NUP210L: variants seen among roughly 807,000 people sequenced by gnomAD.
The protein encoded by NUP210L is nuclear pore membrane glycoprotein 210-like.
NUP210L carries 74 observed loss-of-function variants against 208.5 expected under a neutral mutation model. The observed-to-expected ratio is 0.35, with a 90% CI of 0.29 to 0.43. The LOEUF is 0.43. NUP210L is among the 20% of genes least tolerant of loss of function. The pLI is 1.00. For missense variants in NUP210L, 1,843 were observed against 2,289.4 expected (o/e 0.81, Z 3.98); for synonymous variants, 780 against 816.9 (o/e 0.95, Z 0.77).
chr1:154,135,949 A>G (rs1036625370), exon 7 of NUP210L: 2 of 1,606,820 alleles, frequency 1.2e-6, no homozygotes, highest in Middle Eastern at 1.7e-4. Context: ...TCCAGTATAT[A>G]ATGTTCCAGG....
intron 4 of NUP210L, among the ~76,000 whole-genome samples, chr1:154,140,350 C>CAAA (rs375907073): frequency 2.8e-5 from 2 of 71,590 alleles, no homozygotes; most frequent in African/African-American, 5.7e-5. Flanking sequence ...GACTCCGTCT[C>CAAA]AAAAAAAAAA....
chr1:154,073,488 C>T (rs180832543), intron 16 of NUP210L, among the ~76,000 whole-genome samples: 1 of 152,182 alleles, frequency 6.6e-6, no homozygotes, highest in Non-Finnish European at 1.5e-5. Flanking sequence ...TGCACCACTG[C>T]CCTCTACCCT....
intron 33 of NUP210L, among the ~76,000 whole-genome samples, chr1:154,017,175 G>A (rs1651301541): frequency 1.3e-5 from 2 of 151,808 alleles, no homozygotes; most frequent in South Asian, 4.2e-4. Flanking sequence ...CAGCTACTCA[G>A]GAGGCTGAGG....
chr1:154,082,679 T>C (rs1655400828), intron 16 of NUP210L, among the ~76,000 whole-genome samples: 1 of 152,214 alleles, frequency 6.6e-6, no homozygotes. Context: ...TGGTTCCTTC[T>C]GGTAGGTTCT....
At chr1:154,140,094 T>C in intron 4 of NUP210L, 142 bp from the exon 5 acceptor site, 1 of 662,284 alleles carries the variant, frequency 1.5e-6, no homozygotes, top group Non-Finnish European at 2.5e-6. Flanking sequence ...CTCACGCCTG[T>C]AATCCTAGCA....
Position 153,999,375 on chromosome 1 carries a change from C to T in NUP210L, c.5386+1481G>A, listed in dbSNP as rs1020903417. Among the ~76,000 whole-genome samples, 5 of 152,120 alleles carry T rather than the reference C, an allele frequency of 3.3e-5. No individual in the cohort carries two copies. In the South Asian group the frequency reaches 1.0e-3, roughly 32 times the overall value. On this transcript the variant is annotated intron_variant, in intron 37 of 39. Transcript: ENST00000368559. ...GATTTGGGAAAGCTAAGTCTTGGTT[C>T]TAGGGTTAACATTGGCCCATTGCCT...
chr1:154,058,306 T>A, intron 21 of NUP210L, 90 bp from the exon 22 acceptor site: 1 of 1,363,434 alleles, frequency 7.3e-7, no homozygotes, highest in Non-Finnish European at 1.0e-6. Flanking sequence ...TTTTTTTTTC[T>A]TTCATGCTAA....
intron 5 of NUP210L, 73 bp downstream of exon 5, chr1:154,139,729 T>TA (rs1445745511): frequency 7.2e-5 from 84 of 1,169,856 alleles, no homozygotes; most frequent in Non-Finnish European, 9.2e-5. Flanking sequence ...ATTCTTGTAG[T>TA]ACCTGGGCAA....
intron 4 of NUP210L, among the ~76,000 whole-genome samples, chr1:154,140,528 G>C (rs971402884): frequency 6.6e-6 from 1 of 151,066 alleles, no homozygotes; most frequent in Non-Finnish European, 1.5e-5. Flanking sequence ...TTAGCTGGGC[G>C]TGGTGGCAGG....
chr1:154,011,528 A>AT lies in NUP210L; in HGVS notation c.4780+715dup, dbSNP rs1327311233. 7.9e-3 allele frequency among the ~76,000 whole-genome samples: 939 copies of AT among 118,502 alleles called. 7 individuals carry two copies. The highest frequency in any genetic ancestry group is 0.019 in the African/African-American group (625 of 32,052). The allele number at this position is 118,502 out of a possible 152,430, so 77.7% of individuals were successfully genotyped here. A position where few individuals can be genotyped will look rare whatever the true frequency, so the allele number is the denominator to read the frequency against. ...TGAGCCACCGCGCCTGGCCATCTCT[A>AT]TTTTTTTTTTTTTTCTGAGAGATGG... is the stretch of plus-strand genomic sequence containing the variant. On this transcript the variant is annotated intron_variant, in intron 34 of 39. Coordinates refer to ENST00000368559, the Ensembl canonical transcript of NUP210L.
At chr1:154,148,172 CAGG>C (rs1490858705) in intron 2 of NUP210L, among the ~76,000 whole-genome samples, 1 of 151,102 alleles carries the variant, frequency 6.6e-6, no homozygotes, top group Non-Finnish European at 1.5e-5. Context: ...GAGGCTGAGG[CAGG>C]AGAATCGCTT....
chr1:154,130,114 G>A (rs1322368194), intron 7 of NUP210L, among the ~76,000 whole-genome samples: 2 of 152,030 alleles, frequency 1.3e-5, no homozygotes, highest in Non-Finnish European at 2.9e-5. Flanking sequence ...CGAGGTGGGT[G>A]GACTGTCTGA....
exon 32 of NUP210L, chr1:154,022,127 A>G: frequency 6.2e-7 from 1 of 1,610,320 alleles, no homozygotes; most frequent in South Asian, 1.1e-5. Context: ...TATACATACC[A>G]TGCTGGCTGA....
chr1:154,153,877 C>G (rs1659543583), intron 1 of NUP210L, among the ~76,000 whole-genome samples: 1 of 152,196 alleles, frequency 6.6e-6, no homozygotes, highest in African/African-American at 2.4e-5. Context: ...TATACTTCCT[C>G]ATAAAATGAG....
chr1:154,016,068 A>G (rs968013382), intron 33 of NUP210L, among the ~76,000 whole-genome samples: 1 of 152,000 alleles, frequency 6.6e-6, no homozygotes. Flanking sequence ...CAGCCTGGAC[A>G]ACATAGCGAG....
chr1:154,019,421 A>G (rs1192421505), intron 32 of NUP210L, among the ~76,000 whole-genome samples: 1 of 152,216 alleles, frequency 6.6e-6, no homozygotes, highest in Non-Finnish European at 1.5e-5. Context: ...AGAAGACTGC[A>G]AAAAAGTGAC....
intron 16 of NUP210L, among the ~76,000 whole-genome samples, chr1:154,073,188 T>C (rs1654845700): frequency 6.6e-6 from 1 of 152,198 alleles, no homozygotes. Flanking sequence ...GCATCACTAA[T>C]GATCAGGGAA....
rs776180480 is a variant in NUP210L at position 154,001,758 on chromosome 1, C to A, written c.5158G>T (p.Asp1720Tyr). The change falls in exon 36 of 40, where the codon GAC becomes TAC. Residue 1720 changes from aspartate (D) to tyrosine (Y), a missense_variant. Physicochemically the swap from Asp to Tyr is radical, Grantham distance 160. Transcript: ENST00000368559. ...ACCTCTAGCTTCCTAAGAACTCTGT[C>A]CACTCCCAGTACTCTTATCTCCCCG... is the stretch of plus-strand genomic sequence containing the variant. 3 of 1,614,090 alleles carry A rather than the reference C, an allele frequency of 1.9e-6. No individual in the cohort carries two copies. The East Asian group carries it at 6.7e-5, about 36-fold the overall frequency.
chr1:154,085,819 G>A (rs1048071971), intron 16 of NUP210L, among the ~76,000 whole-genome samples: 1 of 152,156 alleles, frequency 6.6e-6, no homozygotes, highest in Non-Finnish European at 1.5e-5. Flanking sequence ...CATGTTTATG[G>A]TTAACAGATT....
Sources: allele counts gnomAD v4.1 joint callset (sites outside exome capture counted in the v4.1 genomes callset), GRCh38; gene constraint gnomAD v4.1.1; transcripts MANE v1.5; gene names NCBI Gene and HGNC (gene_info 2026-07-23, HGNC 2026-07-21).